Variants in CEACAM21 observed in about 807,000 individuals in gnomAD.
CEACAM21 encodes CEA cell adhesion molecule 21.
Under a neutral mutation model 33.2 loss-of-function variants are expected in CEACAM21, and 38 were observed. The ratio of observed to expected loss-of-function variants is 1.14; its 90% CI spans 0.88 to 1.50. The LOEUF (loss-of-function observed/expected upper bound fraction) is 1.50. Among genes scored for constraint, CEACAM21 ranks in the 40% most tolerant of loss-of-function variants. The pLI, the probability that CEACAM21 is intolerant of heterozygous loss-of-function variation, is 0.00. For synonymous variants in CEACAM21, 156 were observed against 143.0 expected (o/e 1.09, Z -0.65); for missense variants, 385 against 364.6 (o/e 1.06, Z -0.46).
Position 41,586,566 on chromosome 19 carries a change from G to A in CEACAM21, c.*103G>A, listed in dbSNP as rs570845045. The stretch of plus-strand genomic sequence containing the variant: ...AGCTGCTCCTGTGGGTTGATGGAGC[G>A]TCCCTGAAGCCCCCAGCCCTGGGGA... On this transcript the variant is annotated 3_prime_UTR_variant, in exon 7 of 7. Coordinates refer to ENST00000401445, the MANE Select transcript of CEACAM21 (RefSeq NM_001098506.4). The A allele has an allele frequency of 6.9e-5, 43 of 618,712 alleles. No individual in the cohort carries two copies. The highest frequency in any genetic ancestry group is 2.6e-4 in the South Asian group (19 of 73,258). The allele number at this position is 618,712 out of a possible 1,614,324, so 38.3% of individuals were successfully genotyped here.
exon 2 of CEACAM21, chr19:41,565,046 G>C (rs1482819798): frequency 2.6e-5 from 4 of 152,352 alleles, no homozygotes; most frequent in African/African-American, 9.7e-5. Context: ...ACCGACCCCC[G>C]ACGGTGCGTG....
At chr19:41,569,243 G>A (rs139252823) in intron 2 of CEACAM21, among the ~76,000 whole-genome samples, 284 of 149,862 alleles carry the variant, frequency 1.9e-3, no homozygotes, top group African/African-American at 6.7e-3. Flanking sequence ...ACAGGGTCTC[G>A]CTCTGTTACC....
At position 41,557,363 on chromosome 19, in the gene CEACAM21, A is replaced by T. The variant is rs1007839609; in HGVS notation, c.-778-7319A>T. On this transcript the variant is annotated intron_variant, in intron 1 of 7. Coordinates refer to the CEACAM21 transcript ENST00000407170. ...CTCACCCTCAGAAAATTCAGAGCTT[A>T]TATCTCCTAATCCAGTTTTACCCCA... is the stretch of plus-strand genomic sequence containing the variant. Among the ~76,000 whole-genome samples, 5 of 152,142 alleles carry T rather than the reference A, an allele frequency of 3.3e-5. No homozygotes were observed. The East Asian group carries it at 9.6e-4, about 29-fold the overall frequency.
chr19:41,585,826 G>T lies in CEACAM21; in HGVS notation c.851-14G>T, dbSNP rs782699906. The T allele has an allele frequency of 1.7e-5, 28 of 1,611,694 alleles. No individual in the cohort carries two copies. Among genetic ancestry groups the T allele is most frequent in the Non-Finnish European group, 2.2e-5 (26 of 1,179,044 alleles). On this transcript the variant is annotated splice_polypyrimidine_tract_variant and intron_variant, in intron 5 of 6. Coordinates refer to ENST00000401445, the MANE Select transcript of CEACAM21 (RefSeq NM_001098506.4). ...TCCTAACACTCTCGTGCTCACTTTT[G>T]TCTCTGTCCCCAGGCCATGGACCCT... is the stretch of plus-strand genomic sequence containing the variant.
chr19:41,567,429 C>G (rs2042335633), intron 2 of CEACAM21, among the ~76,000 whole-genome samples: 1 of 152,000 alleles, frequency 6.6e-6, no homozygotes, highest in African/African-American at 2.4e-5. Context: ...GCTAAACAAC[C>G]ATAGATGTTC....
chr19:41,585,474 C>A lies in CEACAM21; in HGVS notation c.829C>A (p.Gln277Lys). 1 of 1,613,852 alleles carries A rather than the reference C, an allele frequency of 6.2e-7. No individual in the cohort carries two copies. Among genetic ancestry groups the A allele is most frequent in the Non-Finnish European group, 8.5e-7 (1 of 1,179,808 alleles). The change falls in exon 5 of 7, where the codon CAG becomes AAG. Residue 277 changes from glutamine to lysine, a missense_variant. Coordinates refer to ENST00000401445, the MANE Select transcript of CEACAM21 (RefSeq NM_001098506.4). Reference sequence around the variant, plus strand: ...CGATCAGAGTGACTTCAGGGAGCAGCAGCCCCCAGCCTCCACCCCCGGTGA... The same window carrying A: ...CGATCAGAGTGACTTCAGGGAGCAGAAGCCCCCAGCCTCCACCCCCGGTGA... ...ASDQSDFREQQPPASTPGHGP... is the reference protein window; with the variant it reads ...ASDQSDFREQKPPASTPGHGP...
At chr19:41,575,927 A>G (rs1199446482), upstream of CEACAM21, among the ~76,000 whole-genome samples, 1 of 152,224 alleles carries the variant, frequency 6.6e-6, no homozygotes, top group Non-Finnish European at 1.5e-5. Flanking sequence ...GCTGTGACAG[A>G]ACCAAGGCCA....
chr19:41,561,424 A>G, intron 1 of CEACAM21, among the ~76,000 whole-genome samples: 1 of 151,474 alleles, frequency 6.6e-6, no homozygotes, highest in Non-Finnish European at 1.5e-5. Context: ...CAGACCATAA[A>G]GATATAAATA....
At chr19:41,549,829 A>T (rs1210966858) in intron 1 of CEACAM21, among the ~76,000 whole-genome samples, 1 of 151,032 alleles carries the variant, frequency 6.6e-6, no homozygotes, top group African/African-American at 2.4e-5. Context: ...AGCAGCTGGG[A>T]CTCTAGGCAT....
intron 4 of CEACAM21, 31 bp from the exon 5 acceptor site, chr19:41,585,412 C>T (rs113019659): frequency 5.0e-6 from 8 of 1,612,572 alleles, no homozygotes; most frequent in South Asian, 1.1e-5. Flanking sequence ...TTTAACCTTG[C>T]ACCTTCACAA....
chr19:41,574,982 A>G (rs1555790508), upstream of CEACAM21, among the ~76,000 whole-genome samples: 1 of 152,222 alleles, frequency 6.6e-6, no homozygotes, highest in Non-Finnish European at 1.5e-5. Flanking sequence ...AGGTATAAAC[A>G]TATATTGGGA....
chr19:41,573,164 TG>T (rs1318326853), upstream of CEACAM21, among the ~76,000 whole-genome samples: 1 of 152,188 alleles, frequency 6.6e-6, no homozygotes, highest in African/African-American at 2.4e-5. Flanking sequence ...CAATCTGTAG[TG>T]ACAGTGCCTA....
chr19:41,575,190 A>G (rs1247986498), upstream of CEACAM21, among the ~76,000 whole-genome samples: 3 of 152,166 alleles, frequency 2.0e-5, no homozygotes, highest in African/African-American at 7.2e-5. Flanking sequence ...GGCAGGGGGA[A>G]GTGGGGAGTT....
intron 2 of CEACAM21, among the ~76,000 whole-genome samples, chr19:41,568,852 T>C (rs551970300): frequency 1.3e-5 from 2 of 152,390 alleles, no homozygotes; most frequent in East Asian, 1.9e-4. Flanking sequence ...ATTGGTGTTT[T>C]GACAGAAATT....
intron 6 of CEACAM21, 164 bp downstream of exon 6, chr19:41,586,035 T>C (rs2070711258): frequency 1.4e-6 from 1 of 716,846 alleles, no homozygotes; most frequent in East Asian, 2.7e-5. Context: ...AGGGCCAGGA[T>C]CATCCACTCC....
rs142825140 is a variant in CEACAM21 at position 41,582,132 on chromosome 19, G to T, written c.701-2215G>T. Among the ~76,000 whole-genome samples, 48 of 152,334 alleles carry T rather than the reference G, an allele frequency of 3.2e-4. No homozygotes were observed. The East Asian group carries it at 9.3e-3, about 29-fold the overall frequency. On this transcript the variant is annotated intron_variant, in intron 3 of 6. Coordinates refer to ENST00000401445, the MANE Select transcript of CEACAM21 (RefSeq NM_001098506.4). ...GGGAGAAACTGGCCAAAACAAAGGG[G>T]CTACAGGCCCCATGCAAGCCCAAAA...
At chr19:41,570,364 CCA>C in intron 2 of CEACAM21, among the ~76,000 whole-genome samples, 1 of 152,132 alleles carries the variant, frequency 6.6e-6, no homozygotes, top group Non-Finnish European at 1.5e-5. Flanking sequence ...TGTGTTCCTC[CCA>C]CCTGCCCATC....
At chr19:41,571,483 G>T (rs544138586), upstream of CEACAM21, among the ~76,000 whole-genome samples, 1 of 152,258 alleles carries the variant, frequency 6.6e-6, no homozygotes, top group African/African-American at 2.4e-5. Flanking sequence ...GACATTGAAA[G>T]AAGAAAATGC....
At chr19:41,578,303 CT>C (rs34093847) in intron 2 of CEACAM21, among the ~76,000 whole-genome samples, 22,598 of 142,314 alleles carry the variant, frequency 0.16, 2,405 homozygotes, top group East Asian at 0.37. Flanking sequence ...CCAGAGAACT[CT>C]TTTTTTTTTT....
Sources: allele counts gnomAD v4.1 joint callset (sites outside exome capture counted in the v4.1 genomes callset), GRCh38; gene constraint gnomAD v4.1.1; transcripts MANE v1.5; gene names NCBI Gene and HGNC (gene_info 2026-07-23, HGNC 2026-07-21).